Variants in SIRT3 observed in about 807,000 individuals in gnomAD.
The protein encoded by SIRT3 is sirtuin 3, also known as NAD-dependent protein deacetylase sirtuin-3, mitochondrial.
A neutral mutation model predicts 33.5 loss-of-function variants in SIRT3; 26 were observed. That is an observed-to-expected ratio of 0.78 (90% confidence interval 0.57 to 1.08). The LOEUF (loss-of-function observed/expected upper bound fraction) is 1.08, where lower values mean the gene tolerates loss of function less well. Ranked by LOEUF, SIRT3 falls within the 50% of genes least tolerant of loss-of-function variation. The probability of loss-of-function intolerance (pLI) is 0.00; values close to 1 mark genes in which losing one functional copy is unlikely to be tolerated. For synonymous variants in SIRT3, 237 were observed against 222.1 expected, an observed-to-expected ratio of 1.07 and a Z score of -0.60; for missense variants, 585 against 530.1, an observed-to-expected ratio of 1.10 and a Z score of -1.02.
intron 5 of SIRT3, among the ~76,000 whole-genome samples, chr11:222,210 G>C (rs1459693547): frequency 6.6e-6 from 1 of 152,046 alleles, no homozygotes; most frequent in Admixed American, 6.6e-5. Flanking sequence ...TCTCATGTCT[G>C]TCCACACCCT....
chr11:218,134 G>A (rs372255646), intron 6 of SIRT3, among the ~76,000 whole-genome samples: 3 of 152,130 alleles, frequency 2.0e-5, no homozygotes, highest in Non-Finnish European at 4.4e-5. Context: ...ATGCCTTTAT[G>A]AGCAGCCAGA....
rs1176235287 is a variant in SIRT3, at chr11:221,474, G to A, written c.970-2433C>T. 7.2e-5 allele frequency among the ~76,000 whole-genome samples: 11 copies of A among 152,292 alleles called. No homozygotes were observed. In the East Asian group the frequency reaches 1.9e-3, roughly 27 times the overall value. On this transcript the variant is annotated intron_variant, in intron 5 of 6. Transcript: ENST00000382743. ...TATCATTGTCCATCAGTAAGAAATT[G>A]CTTACATAAATTTTGTATTAAATCC...
At chr11:236,343 A>G (rs7118852), upstream of SIRT3, 1,387,318 of 1,402,714 alleles carry the variant, frequency 0.99, 686,074 homozygotes, top group East Asian at 1. Context: ...CGCGCAGTCC[A>G]AGGAGTCCTC....
chr11:232,741 T>A (rs1259461999), intron 3 of SIRT3, among the ~76,000 whole-genome samples: 1 of 152,158 alleles, frequency 6.6e-6, no homozygotes, highest in African/African-American at 2.4e-5. Context: ...TCTGCAGGTA[T>A]GCAGGAGAAC....
At chr11:219,209 G>A (rs903869127) in intron 5 of SIRT3, among the ~76,000 whole-genome samples, 168 bp from the exon 6 acceptor site, 1 of 152,026 alleles carries the variant, frequency 6.6e-6, no homozygotes, top group Non-Finnish European at 1.5e-5. Context: ...AGCTCCTGCC[G>A]CTTGGCCTCC....
In SIRT3 at chr11:215,072, C is replaced by G. The variant is rs182247480; in HGVS notation, c.*1626G>C. The G allele has an allele frequency of 6.5e-6, 1 of 154,782 alleles. No homozygotes were observed. Among genetic ancestry groups the G allele is most frequent in the East Asian group, 1.9e-4 (1 of 5,192 alleles). 9.6% of individuals were successfully genotyped at this position (154,782 alleles called of 1,614,324 possible). A position where few individuals can be genotyped will look rare whatever the true frequency, so the allele number is the denominator to read the frequency against. On this transcript the variant is annotated 3_prime_UTR_variant, in exon 7 of 7. Coordinates refer to ENST00000382743, the MANE Select transcript of SIRT3 (RefSeq NM_012239.6). ...TTATACCACATACCACACATAGCCA[C>G]AGAAACATCATCTTGAAATAAAGAA... is the stretch of plus-strand genomic sequence containing the variant.
At chr11:222,408 T>C (rs1217496123) in intron 5 of SIRT3, 1 of 153,644 alleles carries the variant, frequency 6.5e-6, no homozygotes, top group Non-Finnish European at 1.4e-5. Flanking sequence ...AAGCGGCGGC[T>C]CCGTCTTTCC....
At chr11:216,788 C>T in intron 6 of SIRT3, 70 bp from the exon 7 acceptor site, 2 of 1,520,346 alleles carry the variant, frequency 1.3e-6, no homozygotes, top group Admixed American at 3.3e-5. Flanking sequence ...GATCTCTGTT[C>T]AAACAGCTCT....
upstream of SIRT3, chr11:236,563 C>T (rs1859199767): frequency 6.2e-6 from 1 of 160,498 alleles, no homozygotes; most frequent in South Asian, 1.4e-4. Context: ...TGTCTCATCT[C>T]TCGCCCCGGA....
intron 4 of SIRT3, among the ~76,000 whole-genome samples, chr11:229,521 C>T (rs903114137): frequency 1.5e-4 from 23 of 150,750 alleles, no homozygotes; most frequent in Admixed American, 8.6e-4. Context: ...TTTGGGAGGC[C>T]GAGGCGGGTG....
At chr11:221,881 C>T (rs757880305) in intron 5 of SIRT3, among the ~76,000 whole-genome samples, 1 of 109,224 alleles carries the variant, frequency 9.2e-6, no homozygotes, top group African/African-American at 2.6e-5. Context: ...ACCATCTGTA[C>T]GTATGCATTT....
At position 236,074 on chromosome 11, in the gene SIRT3, T is replaced by G; in HGVS notation, c.255A>C (p.Ala85=). ...VPRAFRRQPR[A]AAPSFFFSSI... ...TCGAAAAGAAGAAACTGGGAGCTGC[T>G]GCCCTCGGCTGCCTCCGGAATGCCC... The change falls in exon 1 of 7, where the codon GCA becomes GCC. Residue 85 remains alanine, a synonymous_variant. Coordinates refer to ENST00000382743, the MANE Select transcript of SIRT3 (RefSeq NM_012239.6). The G allele has an allele frequency of 6.5e-7, 1 of 1,542,790 alleles. No homozygotes were observed. The highest frequency in any genetic ancestry group is 8.7e-7 in the Non-Finnish European group (1 of 1,145,594).
At position 224,230 on chromosome 11, in the gene SIRT3, T is replaced by C. The variant is rs1209118094; in HGVS notation, c.817A>G (p.Met273Val). The change falls in exon 5 of 7, where the codon ATG (methionine) becomes GTG (valine). Residue 273 changes from methionine (M) to valine (V), a missense_variant. By Grantham distance (21) the Met-to-Val change is conservative (BLOSUM62 1). Transcript: ENST00000382743. ...FPGEDIRADVMADRVPRCPVC... is the reference protein window; with the variant it reads ...FPGEDIRADVVADRVPRCPVC... ...GGGCAGCGGGGAACCCTGTCTGCCA[T>C]CACGTCAGCCTGGAAAACAGAGAAA... 4 of 1,613,908 alleles carry C rather than the reference T, an allele frequency of 2.5e-6. No homozygotes were observed. In the African/African-American group the frequency reaches 5.3e-5, roughly 22 times the overall value.
At chr11:228,182 C>T (rs998801772) in intron 4 of SIRT3, among the ~76,000 whole-genome samples, 7 of 152,162 alleles carry the variant, frequency 4.6e-5, no homozygotes, top group Non-Finnish European at 7.3e-5. Flanking sequence ...GTATGGCACC[C>T]AGTTGTAACT....
In SIRT3 at chr11:215,439, C is replaced by G. The variant is rs1465628118; in HGVS notation, c.*1259G>C. ...AAGGAACATTAACTAGGGTTAGAAA[C>G]TAACTTCATTCTTTTTAGAATTCAA... On this transcript the variant is annotated 3_prime_UTR_variant, in exon 7 of 7. Transcript: ENST00000382743. 1 of 152,204 alleles carries G rather than the reference C, an allele frequency of 6.6e-6. No individual in the cohort carries two copies. The highest frequency in any genetic ancestry group is 1.5e-5 in the Non-Finnish European group (1 of 68,034). 9.4% of individuals were successfully genotyped at this position (152,204 alleles called of 1,614,324 possible). A position where few individuals can be genotyped will look rare whatever the true frequency, so the allele number is the denominator to read the frequency against.
Position 218,906 on chromosome 11 carries a change from C to T in SIRT3, c.1105G>A (p.Gly369Ser), listed in dbSNP as rs3020901. The T allele has an allele frequency of 2.9e-3, 4,732 of 1,614,142 alleles. 112 individuals carry two copies. In the African/African-American group the frequency reaches 0.055, roughly 19 times the overall value. ...AGAAGCTCCACTAGGCTTTCCACGC[C>T]GTGAACCACGTCCCCCAGCTGGGCC... Reference protein sequence around the residue: ...DVAQLGDVVHGVESLVELLGW... With the variant: ...DVAQLGDVVHSVESLVELLGW... Residue 369 changes from glycine to serine, a missense_variant, in exon 6 of 7, where the codon GGC becomes AGC. By Grantham distance (56) the Gly-to-Ser change is moderately conservative (BLOSUM62 0). Transcript: ENST00000382743.
In SIRT3 at chr11:218,874, C is replaced by T. The variant is rs181924090; in HGVS notation, c.1137G>A (p.Trp379Ter). 6.2e-7 allele frequency: 1 copy of T among 1,614,200 alleles called. No individual in the cohort carries two copies. Among genetic ancestry groups the T allele is most frequent in the African/African-American group, 1.3e-5 (1 of 75,048 alleles). ...GCACAAGGTCCCGCATCTCTTCTGTCCAGCCCAGAAGCTCCACTAGGCTTT... is the reference window on the plus strand; with the variant it reads ...GCACAAGGTCCCGCATCTCTTCTGTTCAGCCCAGAAGCTCCACTAGGCTTT... Reference protein sequence around the residue: ...GVESLVELLGWTEEMRDLVQR... With the variant: ...GVESLVELLG Residue 379 changes from tryptophan to a stop codon, truncating the protein, a stop_gained, in exon 6 of 7, where the codon TGG becomes TGA. Transcript: ENST00000382743. LOFTEE classifies it high-confidence loss of function.
intron 6 of SIRT3, among the ~76,000 whole-genome samples, chr11:217,013 G>A (rs1208797220): frequency 1.3e-5 from 2 of 152,200 alleles, no homozygotes; most frequent in Non-Finnish European, 2.9e-5. Context: ...CCCTTGGATA[G>A]TAATGCTGTA....
At position 218,883 on chromosome 11, in the gene SIRT3, A is replaced by G. The variant is rs926447027; in HGVS notation, c.1128T>C (p.Leu376=). The G allele has an allele frequency of 1.9e-6, 3 of 1,613,972 alleles. No homozygotes were observed. The highest frequency in any genetic ancestry group is 1.3e-5 in the African/African-American group (1 of 74,874). ...VVHGVESLVE[L]LGWTEEMRDL... ...CCCGCATCTCTTCTGTCCAGCCCAG[A>G]AGCTCCACTAGGCTTTCCACGCCGT... Residue 376 remains leucine, a synonymous_variant, in exon 6 of 7, where the codon CTT becomes CTC. Coordinates refer to ENST00000382743, the MANE Select transcript of SIRT3 (RefSeq NM_012239.6).
Sources: allele counts gnomAD v4.1 joint callset (sites outside exome capture counted in the v4.1 genomes callset), GRCh38; gene constraint gnomAD v4.1.1; transcripts MANE v1.5; gene names NCBI Gene and HGNC (gene_info 2026-07-23, HGNC 2026-07-21).